Variants in FMN1 observed in about 807,000 individuals in gnomAD.
FMN1 encodes formin-1.
In FMN1, 110 loss-of-function variants were observed where a neutral mutation model predicts 132.4. The observed-to-expected ratio is 0.83, with a 90% CI of 0.71 to 0.97. The LOEUF is 0.97. Among genes scored for constraint, FMN1 ranks in the 50% least tolerant of loss-of-function variants. FMN1 has a pLI of 0.00. For missense variants in FMN1, 1,792 were observed against 1,705.3 expected (o/e 1.05, Z -0.90); for synonymous variants, 722 against 651.7 (o/e 1.11, Z -1.64).
chr15:32,822,317 C>G (rs2058239952), intron 17 of FMN1, among the ~76,000 whole-genome samples: 1 of 152,180 alleles, frequency 6.6e-6, no homozygotes, highest in African/African-American at 2.4e-5. Context: ...GCACTGCACT[C>G]CAGGCCTGGG....
At chr15:32,888,902 A>G (rs935890253) in intron 15 of FMN1, among the ~76,000 whole-genome samples, 3 of 143,652 alleles carry the variant, frequency 2.1e-5, no homozygotes, top group African/African-American at 8.0e-5. Flanking sequence ...TTTGTCACCC[A>G]GGCTTGAGTG....
intron 17 of FMN1, among the ~76,000 whole-genome samples, chr15:32,836,634 T>G (rs1236397503): frequency 2.0e-5 from 3 of 152,320 alleles, no homozygotes; most frequent in Admixed American, 2.0e-4. Flanking sequence ...ACTTTCCCCT[T>G]GTTTGGTGAA....
chr15:33,104,929 G>A (rs1160579410), intron 4 of FMN1, among the ~76,000 whole-genome samples: 1 of 152,006 alleles, frequency 6.6e-6, no homozygotes, highest in Non-Finnish European at 1.5e-5. Context: ...AATCTAATTG[G>A]TGGTGATTTC....
chr15:32,908,602 C>CAAA, intron 11 of FMN1, 24 bp from the exon 12 acceptor site: 2 of 679,764 alleles, frequency 2.9e-6, no homozygotes, highest in Non-Finnish European at 2.0e-6. Context: ...GAAAACAAAA[C>CAAA]CAAAAAAAAA....
intron 3 of FMN1, among the ~76,000 whole-genome samples, chr15:33,173,380 C>T (rs1356614834): frequency 2.0e-5 from 3 of 152,194 alleles, no homozygotes; most frequent in Non-Finnish European, 4.4e-5. Context: ...TTGTAAAAAA[C>T]TTTATGAGAC....
intron 5 of FMN1, among the ~76,000 whole-genome samples, chr15:33,074,999 C>A (rs934746653): frequency 2.6e-5 from 3 of 113,374 alleles, no homozygotes; most frequent in African/African-American, 1.1e-4. Context: ...CCAGCCTGGG[C>A]AACTGAGCAA....
chr15:33,152,928 AG>A, intron 4 of FMN1, 119 bp downstream of exon 4: 1 of 981,998 alleles, frequency 1.0e-6, no homozygotes, highest in East Asian at 2.6e-5. Flanking sequence ...TACAAAGTGA[AG>A]TAATAGGCCT....
At chr15:32,942,779 T>A (rs1230751412) in intron 9 of FMN1, among the ~76,000 whole-genome samples, 1 of 152,116 alleles carries the variant, frequency 6.6e-6, no homozygotes, top group Non-Finnish European at 1.5e-5. Context: ...GCCTGGCAAA[T>A]AAGCAGAGAG....
intron 4 of FMN1, among the ~76,000 whole-genome samples, chr15:33,112,101 T>C (rs2039729743): frequency 6.6e-6 from 1 of 152,168 alleles, no homozygotes. Context: ...CAAAAAGCTA[T>C]ATAAATAAAG....
chr15:33,178,788 C>T (rs1243204403), intron 3 of FMN1, among the ~76,000 whole-genome samples: 5 of 152,168 alleles, frequency 3.3e-5, no homozygotes, highest in African/African-American at 1.2e-4. Context: ...GCTTCAGATC[C>T]TCATTATTCA....
chr15:32,974,258 C>A (rs1412833380), intron 7 of FMN1, among the ~76,000 whole-genome samples: 1 of 152,182 alleles, frequency 6.6e-6, no homozygotes, highest in Non-Finnish European at 1.5e-5. Context: ...GCTGATTTGA[C>A]CCCAATACAT....
At chr15:32,808,673 T>C (rs1170331635) in intron 17 of FMN1, among the ~76,000 whole-genome samples, 2 of 152,224 alleles carry the variant, frequency 1.3e-5, no homozygotes, top group African/African-American at 4.8e-5. Context: ...TGAGATATAC[T>C]GAACGTGTGA....
At chr15:33,052,784 G>A (rs1259205655) in intron 6 of FMN1, among the ~76,000 whole-genome samples, 1 of 152,154 alleles carries the variant, frequency 6.6e-6, no homozygotes, top group Non-Finnish European at 1.5e-5. Flanking sequence ...GTTTTCCTCT[G>A]ATTGATCCCC....
intron 9 of FMN1, among the ~76,000 whole-genome samples, chr15:32,947,447 T>C (rs1384276637): frequency 6.6e-6 from 1 of 152,108 alleles, no homozygotes; most frequent in Non-Finnish European, 1.5e-5. Flanking sequence ...CTTATTTTCC[T>C]TTATATGAGG....
At chr15:32,968,665 C>T (rs1232907828) in intron 8 of FMN1, 49 bp downstream of exon 8, 4 of 1,606,948 alleles carry the variant, frequency 2.5e-6, no homozygotes, top group Non-Finnish European at 3.4e-6. Flanking sequence ...ATCACTTGGG[C>T]CAAATCCTAG....
intron 6 of FMN1, among the ~76,000 whole-genome samples, chr15:33,023,141 TC>T (rs951110881): frequency 1.4e-5 from 2 of 145,130 alleles, no homozygotes; most frequent in Admixed American, 1.4e-4. Flanking sequence ...TCTGCAACAT[TC>T]ACATACCACC....
intron 2 of FMN1, among the ~76,000 whole-genome samples, chr15:33,184,370 T>C (rs1179581315): frequency 6.6e-6 from 1 of 152,222 alleles, no homozygotes; most frequent in Non-Finnish European, 1.5e-5. Flanking sequence ...TATAGTTAAT[T>C]CTTCCTGGTA....
At position 32,766,607 on chromosome 15, in the gene FMN1, C is replaced by T. The variant is rs1194460569; in HGVS notation, c.*7703G>A. 7.3e-6 allele frequency: 1 copy of T among 137,060 alleles called. No individual in the cohort carries two copies. Among genetic ancestry groups the T allele is most frequent in the Non-Finnish European group, 1.5e-5 (1 of 65,154 alleles). 8.5% of individuals were successfully genotyped at this position (137,060 alleles called of 1,614,324 possible). On this transcript the variant is annotated 3_prime_UTR_variant, in exon 21 of 21. Transcript: ENST00000616417. Reference sequence around the variant, plus strand: ...TTTTCCATCTCTTTTATGGATTTTCCTTTTTGCTTAAGTGATGAGGTGATG... The same window carrying T: ...TTTTCCATCTCTTTTATGGATTTTCTTTTTTGCTTAAGTGATGAGGTGATG...
intron 17 of FMN1, among the ~76,000 whole-genome samples, chr15:32,806,461 G>A (rs973735434): frequency 6.6e-6 from 1 of 152,202 alleles, no homozygotes; most frequent in African/African-American, 2.4e-5. Context: ...GGCCATGGCA[G>A]GTATTAATAC....
Sources: gnomAD v4.1 joint callset for allele counts (sites outside exome capture counted in the v4.1 genomes callset) on GRCh38, gnomAD v4.1.1 for gene constraint, MANE v1.5 for transcripts, NCBI Gene and HGNC (gene_info 2026-07-23, HGNC 2026-07-21) for gene names.